MIR2052HG: variants seen among roughly 807,000 people sequenced by gnomAD.
The protein encoded by MIR2052HG is MIR2052 host gene.
At chr8:74,604,327 C>A (rs1808074855) in intron 1 of MIR2052HG, 1 of 479,376 alleles carries the variant, frequency 2.1e-6, no homozygotes, top group Non-Finnish European at 4.1e-6. Context: ...AAACTGCTGG[C>A]GCGAGGCGAC....
At chr8:74,622,620 A>T (rs1244578605) in intron 2 of MIR2052HG, among the ~76,000 whole-genome samples, 1 of 152,088 alleles carries the variant, frequency 6.6e-6, no homozygotes, top group East Asian at 1.9e-4. Context: ...TTAGAAAAAA[A>T]ATTTTAAAAA....
intron 4 of MIR2052HG, among the ~76,000 whole-genome samples, chr8:74,729,183 G>T (rs1450207774): frequency 6.6e-6 from 1 of 152,102 alleles, no homozygotes; most frequent in Non-Finnish European, 1.5e-5. Context: ...GCCACACAAA[G>T]AAACTTCAAC....
At chr8:74,666,982 TTC>T (rs1328188413) in intron 2 of MIR2052HG, among the ~76,000 whole-genome samples, 8 of 152,174 alleles carry the variant, frequency 5.3e-5, no homozygotes, top group African/African-American at 1.9e-4. Flanking sequence ...TGGGCTCCAG[TTC>T]ATCCTAGCGC....
intron 4 of MIR2052HG, among the ~76,000 whole-genome samples, chr8:74,714,695 CTTCTTTTTTT>C: frequency 7.1e-6 from 1 of 141,346 alleles, no homozygotes; most frequent in East Asian, 2.2e-4. Context: ...CTCCTTTTTC[CTTCTTTTTTT>C]TTTTTTTTTT....
At position 74,720,241 on chromosome 8, in the gene MIR2052HG, G is replaced by A. The variant is rs369931802; in HGVS notation, n.371+16559G>A. On this transcript the variant is annotated intron_variant and non_coding_transcript_variant, in intron 4 of 6. Coordinates refer to ENST00000523442, the Ensembl canonical transcript of MIR2052HG. ...TAACCCTATGATGTTTCAAATTACC[G>A]AACTCTCAGTCAACTTAGATTTCTG... Among the ~76,000 whole-genome samples the A allele has an allele frequency of 3.3e-5, 5 of 152,030 alleles. No individual in the cohort carries two copies. In the South Asian group the frequency reaches 6.3e-4, roughly 19 times the overall value.
intron 5 of MIR2052HG, chr8:74,756,904 A>G (rs911125075): frequency 6.6e-6 from 1 of 152,224 alleles, no homozygotes; most frequent in Non-Finnish European, 1.5e-5. Flanking sequence ...GTGAACCTGA[A>G]TAAAGCAGTA....
At position 74,756,094 on chromosome 8, in the gene MIR2052HG, A is replaced by T. The variant is rs143097993; in HGVS notation, n.465-2017A>T. The stretch of plus-strand genomic sequence containing the variant: ...GTTTTGGGGTTTTCATGAGCGCTTC[A>T]GTTCAATAATTTGCTAGAATGGCTT... On this transcript the variant is annotated intron_variant and non_coding_transcript_variant, in intron 5 of 6. Coordinates refer to ENST00000523442, the Ensembl canonical transcript of MIR2052HG. Among the ~76,000 whole-genome samples the T allele has an allele frequency of 4.5e-3, 690 of 152,324 alleles. 5 individuals carry two copies. Among genetic ancestry groups the T allele is most frequent in the African/African-American group, 0.016 (648 of 41,568 alleles).
At chr8:74,636,905 C>T (rs1808587702) in intron 2 of MIR2052HG, among the ~76,000 whole-genome samples, 1 of 152,014 alleles carries the variant, frequency 6.6e-6, no homozygotes, top group South Asian at 2.1e-4. Context: ...TGGGTTGGGA[C>T]CTGAAGGTCT....
At chr8:74,747,401 C>T (rs1007965363) in intron 4 of MIR2052HG, among the ~76,000 whole-genome samples, 11 of 152,124 alleles carry the variant, frequency 7.2e-5, no homozygotes, top group African/African-American at 9.7e-5. Flanking sequence ...TTACCAACAA[C>T]TTTGAGAAAT....
intron 1 of MIR2052HG, among the ~76,000 whole-genome samples, chr8:74,602,857 C>G (rs1808034613): frequency 1.4e-5 from 2 of 144,324 alleles, no homozygotes; most frequent in Non-Finnish European, 3.0e-5. Flanking sequence ...TTCTTTCTTT[C>G]TTTCTTTCTT....
chr8:74,672,779 A>G (rs1279414401), intron 2 of MIR2052HG, among the ~76,000 whole-genome samples: 1 of 152,128 alleles, frequency 6.6e-6, no homozygotes, highest in East Asian at 1.9e-4. Context: ...TTATTTTAAT[A>G]TCTGCTGAAT....
chr8:74,716,314 A>T (rs1308908010), intron 4 of MIR2052HG, among the ~76,000 whole-genome samples: 4 of 152,216 alleles, frequency 2.6e-5, no homozygotes, highest in Admixed American at 6.5e-5. Context: ...ATCTGCTACA[A>T]TTGGTTAACA....
intron 4 of MIR2052HG, among the ~76,000 whole-genome samples, chr8:74,713,398 T>G (rs1809489561): frequency 6.6e-6 from 1 of 152,324 alleles, no homozygotes; most frequent in Admixed American, 6.5e-5. Flanking sequence ...ACTCTCCTAC[T>G]TGAAGCCTTC....
chr8:74,720,628 T>C (rs193006407), intron 4 of MIR2052HG, among the ~76,000 whole-genome samples: 2 of 152,332 alleles, frequency 1.3e-5, no homozygotes, highest in East Asian at 3.9e-4. Context: ...ATTCCACTTT[T>C]GGAACAAAAT....
chr8:74,751,276 T>C (rs1292929086), intron 4 of MIR2052HG, among the ~76,000 whole-genome samples: 6 of 152,242 alleles, frequency 3.9e-5, no homozygotes, highest in Non-Finnish European at 7.3e-5. Flanking sequence ...ATTTTTGTGC[T>C]ATTTCTTGCT....
At chr8:74,740,798 C>T (rs780847477) in intron 4 of MIR2052HG, among the ~76,000 whole-genome samples, 8 of 152,232 alleles carry the variant, frequency 5.3e-5, no homozygotes, top group African/African-American at 1.9e-4. Flanking sequence ...AGCGTGGTCT[C>T]CAGCTACCTG....
intron 2 of MIR2052HG, chr8:74,615,204 A>G (rs1808262632): frequency 6.6e-6 from 1 of 152,176 alleles, no homozygotes; most frequent in Non-Finnish European, 1.5e-5. Flanking sequence ...ACGGGGCTCA[A>G]TCCACCATCT....
intron 4 of MIR2052HG, among the ~76,000 whole-genome samples, chr8:74,736,636 A>G (rs1165932412): frequency 6.6e-6 from 1 of 152,226 alleles, no homozygotes; most frequent in Non-Finnish European, 1.5e-5. Context: ...CAATTGCCCA[A>G]GAGTCCCATA....
At chr8:74,660,204 T>C (rs1261433060) in intron 2 of MIR2052HG, among the ~76,000 whole-genome samples, 2 of 152,202 alleles carry the variant, frequency 1.3e-5, no homozygotes, top group African/African-American at 4.8e-5. Flanking sequence ...ACTTTGCTGA[T>C]TACTGACCTT....
Sources: allele counts gnomAD v4.1 joint callset (sites outside exome capture counted in the v4.1 genomes callset), GRCh38; gene constraint gnomAD v4.1.1; transcripts MANE v1.5; gene names NCBI Gene and HGNC (gene_info 2026-07-23, HGNC 2026-07-21).